Variants in MYOZ2 observed in about 807,000 individuals in gnomAD.
MYOZ2 encodes myozenin 2, also known as myozenin-2.
MYOZ2 carries 19 observed loss-of-function variants against 25.4 expected under a neutral mutation model. That is an observed-to-expected ratio of 0.75 (90% confidence interval 0.52 to 1.10). MYOZ2 has a LOEUF of 1.10. MYOZ2 is among the 50% of genes least tolerant of loss of function. MYOZ2 has a pLI of 0.00. For missense variants in MYOZ2, 270 were observed against 317.9 expected (o/e 0.85, Z 1.15); for synonymous variants, 92 against 106.9 (o/e 0.86, Z 0.86).
rs762234986 is a variant in MYOZ2 at position 119,186,150 on chromosome 4, A to G, written c.745A>G (p.Thr249Ala). The change falls in exon 6 of 6, where the codon ACA (threonine) becomes GCA (alanine). Residue 249 changes from threonine (T) to alanine (A), a missense_variant. Physicochemically the swap from Thr to Ala is moderately conservative, Grantham distance 58. Coordinates refer to ENST00000307128, the MANE Select transcript of MYOZ2 (RefSeq NM_016599.5). ...ATCTGAGAATATTCCTATAGTGATA[A>G]CAACCGAACCTACAGATGATACCAC... ...WISENIPIVI[T>A]TEPTDDTTVP... is the part of the protein sequence containing the mutation. 41 of 1,613,910 alleles carry G rather than the reference A, an allele frequency of 2.5e-5. No individual in the cohort carries two copies. Among genetic ancestry groups the G allele is most frequent in the Admixed American group, 1.0e-4 (6 of 60,002 alleles).
chr4:119,170,887 A>G (rs1741933550), intron 5 of MYOZ2, among the ~76,000 whole-genome samples: 1 of 152,200 alleles, frequency 6.6e-6, no homozygotes, highest in Admixed American at 6.5e-5. Flanking sequence ...CATGATTGTA[A>G]AATAAAGACA....
At chr4:119,150,624 T>C (rs556471868) in intron 2 of MYOZ2, among the ~76,000 whole-genome samples, 1 of 152,202 alleles carries the variant, frequency 6.6e-6, no homozygotes, top group African/African-American at 2.4e-5. Flanking sequence ...ATTCACACTA[T>C]GTGCCAGGTA....
At chr4:119,153,032 G>A (rs1015935188) in intron 3 of MYOZ2, among the ~76,000 whole-genome samples, 2 of 149,680 alleles carry the variant, frequency 1.3e-5, no homozygotes, top group Non-Finnish European at 1.5e-5. Flanking sequence ...CACCAGCCAT[G>A]TGATTTAGTG....
At chr4:119,148,507 A>G (rs1266869029) in intron 2 of MYOZ2, among the ~76,000 whole-genome samples, 1 of 152,068 alleles carries the variant, frequency 6.6e-6, no homozygotes, top group Non-Finnish European at 1.5e-5. Flanking sequence ...TTAGAGTCCC[A>G]TGAATCCCTA....
intron 4 of MYOZ2, among the ~76,000 whole-genome samples, chr4:119,163,221 G>A (rs991174406): frequency 6.6e-6 from 1 of 151,432 alleles, no homozygotes; most frequent in African/African-American, 2.5e-5. Context: ...TCAGGAAGGG[G>A]CTTTTTTTTT....
intron 5 of MYOZ2, among the ~76,000 whole-genome samples, chr4:119,181,341 A>T (rs989605216): frequency 2.0e-5 from 3 of 152,072 alleles, no homozygotes; most frequent in African/African-American, 7.2e-5. Flanking sequence ...CATGATTGTG[A>T]TCATAATGCT....
At chr4:119,141,744 T>C (rs1413862614) in intron 2 of MYOZ2, among the ~76,000 whole-genome samples, 2 of 151,596 alleles carry the variant, frequency 1.3e-5, no homozygotes, top group East Asian at 3.9e-4. Flanking sequence ...GGCAAGGATA[T>C]GTATTCTAAA....
Position 119,150,961 on chromosome 4 carries a change from A to C in MYOZ2, c.166A>C (p.Arg56=). 2 of 1,613,680 alleles carry C rather than the reference A, an allele frequency of 1.2e-6. No homozygotes were observed. Among genetic ancestry groups the C allele is most frequent in the Middle Eastern group, 3.3e-4 (2 of 6,062 alleles). ...ELSHLSNRGA[R]LFKMRQRRSD... ...ATCCCATCTCAGTAACCGTGGTGCC[A>C]GGCTATTTAAGATGCGTCAAAGAAG... Residue 56 remains arginine, a synonymous_variant, in exon 3 of 6, where the codon AGG becomes CGG. Coordinates refer to ENST00000307128, the MANE Select transcript of MYOZ2 (RefSeq NM_016599.5).
intron 5 of MYOZ2, among the ~76,000 whole-genome samples, chr4:119,174,851 G>A (rs1467396630): frequency 1.3e-5 from 2 of 152,084 alleles, no homozygotes; most frequent in African/African-American, 4.8e-5. Context: ...AGCTGTAACA[G>A]TCACCGCAAA....
chr4:119,147,299 G>C (rs1224137566), intron 2 of MYOZ2, among the ~76,000 whole-genome samples: 2 of 151,174 alleles, frequency 1.3e-5, no homozygotes, highest in African/African-American at 2.4e-5. Flanking sequence ...CCTTCCTGGA[G>C]ATTACTTCAG....
intron 2 of MYOZ2, among the ~76,000 whole-genome samples, chr4:119,150,301 G>A (rs1231071451): frequency 6.6e-6 from 1 of 152,006 alleles, no homozygotes; most frequent in African/African-American, 2.4e-5. Context: ...AAAAATTTTA[G>A]GTAAGAAATT....
At chr4:119,178,230 C>G (rs189964225) in intron 5 of MYOZ2, among the ~76,000 whole-genome samples, 1 of 152,300 alleles carries the variant, frequency 6.6e-6, no homozygotes, top group Non-Finnish European at 1.5e-5. Context: ...CTGGCTCCTC[C>G]CTTTCCAAAC....
chr4:119,142,086 T>A (rs1032878904), intron 2 of MYOZ2, among the ~76,000 whole-genome samples: 2 of 152,204 alleles, frequency 1.3e-5, no homozygotes, highest in African/African-American at 4.8e-5. Flanking sequence ...AGTATGCTAT[T>A]ATATATTTAA....
intron 5 of MYOZ2, among the ~76,000 whole-genome samples, chr4:119,174,744 C>A (rs571978449): frequency 3.9e-5 from 6 of 152,254 alleles, no homozygotes; most frequent in South Asian, 2.1e-4. Context: ...AGTGGCAACC[C>A]GCTCGGGTCC....
intron 2 of MYOZ2, among the ~76,000 whole-genome samples, chr4:119,146,003 A>G (rs904692144): frequency 2.0e-5 from 3 of 152,156 alleles, no homozygotes; most frequent in African/African-American, 7.2e-5. Flanking sequence ...ATGTGAATTT[A>G]TATGTAGAAT....
At chr4:119,136,721 A>C in intron 2 of MYOZ2, 120 bp downstream of exon 2, 1 of 1,068,062 alleles carries the variant, frequency 9.4e-7, no homozygotes, top group East Asian at 2.6e-5. Flanking sequence ...GTCATAACAA[A>C]CCTGGAGCTC....
At position 119,136,552 on chromosome 4, in the gene MYOZ2, G is replaced by C. The variant is rs765333692; in HGVS notation, c.27G>C (p.Lys9Asn). 1 of 1,613,656 alleles carries C rather than the reference G, an allele frequency of 6.2e-7. No homozygotes were observed. Among genetic ancestry groups the C allele is most frequent in the Admixed American group, 1.7e-5 (1 of 59,988 alleles). ...TGCTATCACATAATACTATGATGAA[G>C]CAGAGAAAACAGCAAGCAACAGCCA... MLSHNTMM[K>N]QRKQQATAIM... Residue 9 changes from lysine (K) to asparagine (N), a missense_variant, in exon 2 of 6, where the codon AAG becomes AAC. By Grantham distance (94) the Lys-to-Asn change is moderately conservative (BLOSUM62 0). Coordinates refer to ENST00000307128, the MANE Select transcript of MYOZ2 (RefSeq NM_016599.5).
Position 119,186,075 on chromosome 4 carries a change from A to G in MYOZ2, c.670A>G (p.Asn224Asp). 1.2e-6 allele frequency: 2 copies of G among 1,614,054 alleles called. No individual in the cohort carries two copies. Among genetic ancestry groups the G allele is most frequent in the Admixed American group, 1.7e-5 (1 of 60,026 alleles). The change falls in exon 6 of 6, where the codon AAT (asparagine) becomes GAT (aspartate). Residue 224 changes from asparagine (N) to aspartate (D), a missense_variant. Physicochemically the swap from Asn to Asp is conservative, Grantham distance 23. Transcript: ENST00000307128. ...AGATCCCAGGTTTATGTCCTTTGTC[A>G]ATCCCCTTTCTGGCAGACGGTCCTT... is the stretch of plus-strand genomic sequence containing the variant. ...LTDPRFMSFV[N>D]PLSGRRSFNR...
Position 119,164,308 on chromosome 4 carries a change from T to C in MYOZ2, c.474T>C (p.Asn158=), listed in dbSNP as rs201607789. The change falls in exon 5 of 6, where the codon AAT becomes AAC. Residue 158 remains asparagine, a synonymous_variant. Coordinates refer to ENST00000307128, the MANE Select transcript of MYOZ2 (RefSeq NM_016599.5). ...CTCCCTGGGAACAAGCCATTAGCAA[T>C]GATCCGGAGCTTTTAGAGGCTTTAT... The part of the protein sequence containing the change: ...YQSPWEQAIS[N]DPELLEALYP... 6.2e-6 allele frequency: 10 copies of C among 1,614,108 alleles called. No individual in the cohort carries two copies. Among genetic ancestry groups the C allele is most frequent in the African/African-American group, 5.3e-5 (4 of 75,058 alleles).
Sources: allele counts gnomAD v4.1 joint callset (sites outside exome capture counted in the v4.1 genomes callset), GRCh38; gene constraint gnomAD v4.1.1; transcripts MANE v1.5; gene names NCBI Gene and HGNC (gene_info 2026-07-23, HGNC 2026-07-21).